GRIK1: variants seen among roughly 807,000 people sequenced by gnomAD.
The protein encoded by GRIK1 is glutamate receptor ionotropic, kainate 1.
In GRIK1, 69 loss-of-function variants were observed where a neutral mutation model predicts 105.7. That is an observed-to-expected ratio of 0.65 (90% CI 0.54 to 0.80). GRIK1 has a LOEUF of 0.80. GRIK1 is among the 30% of genes least tolerant of loss of function. The pLI is 0.00. For missense variants in GRIK1, 1,109 were observed against 1,167.3 expected (o/e 0.95, Z 0.73); for synonymous variants, 438 against 431.3 (o/e 1.02, Z -0.19).
intron 4 of GRIK1, among the ~76,000 whole-genome samples, chr21:29,669,942 A>G (rs1341385045): frequency 2.0e-5 from 3 of 152,150 alleles, no homozygotes; most frequent in Non-Finnish European, 4.4e-5. Flanking sequence ...TGGATCACAT[A>G]GAGTGCTTGG....
Position 29,651,170 on chromosome 21 carries a change from C to T in GRIK1, c.902G>A (p.Arg301Lys). The T allele has an allele frequency of 6.2e-7, 1 of 1,613,928 alleles. No individual in the cohort carries two copies. The highest frequency in any genetic ancestry group is 8.5e-7 in the Non-Finnish European group (1 of 1,179,846). ...SSIIEKWSME[R>K]LQAPPRPETG... Reference sequence around the variant, plus strand: ...CTCGGGCCTGGGTGGGGCCTGCAGTCTCTCCATGGACCACTTCTCAATGAT... The same window carrying T: ...CTCGGGCCTGGGTGGGGCCTGCAGTTTCTCCATGGACCACTTCTCAATGAT... Residue 301 changes from arginine (R) to lysine (K), a missense_variant, in exon 6 of 18, where the codon AGA becomes AAA. By Grantham distance (26) the Arg-to-Lys change is conservative. This residue lies in a region of GRIK1 where 612 missense variants were observed against 586.0 expected (regional missense o/e 1.04). Coordinates refer to ENST00000327783, the MANE Select transcript of GRIK1 (RefSeq NM_001330994.2).
chr21:29,570,526 A>C (rs904204705), intron 14 of GRIK1, among the ~76,000 whole-genome samples: 1 of 152,138 alleles, frequency 6.6e-6, no homozygotes, highest in Non-Finnish European at 1.5e-5. Context: ...ATTCTCTTAA[A>C]TAGAGTCTGT....
At chr21:29,931,912 T>G (rs1232342297) in intron 1 of GRIK1, among the ~76,000 whole-genome samples, 1 of 152,170 alleles carries the variant, frequency 6.6e-6, no homozygotes, top group Non-Finnish European at 1.5e-5. Flanking sequence ...TTTGAATTTT[T>G]AAAGGGAAAT....
intron 7 of GRIK1, among the ~76,000 whole-genome samples, chr21:29,636,159 C>T (rs1392586653): frequency 6.6e-6 from 1 of 152,198 alleles, no homozygotes; most frequent in Non-Finnish European, 1.5e-5. Context: ...GGCATTCATC[C>T]CCCCTCCGTC....
rs151091850 is a variant in GRIK1 at position 29,852,034 on chromosome 21, G to A, written c.118+87349C>T. Among the ~76,000 whole-genome samples the A allele has an allele frequency of 1.4e-3, 218 of 152,182 alleles. 1 individual carries two copies. Among genetic ancestry groups the A allele is most frequent in the African/African-American group, 5.2e-3 (216 of 41,538 alleles). ...CCTCTATGGAAAAATTTTCAAGTCT[G>A]ACTATTTCTCCTTCCACAGTTTCTC... On this transcript the variant is annotated intron_variant, in intron 1 of 17. Transcript: ENST00000327783.
intron 1 of GRIK1, among the ~76,000 whole-genome samples, chr21:29,768,014 T>TTTTTAA (rs1180520174): frequency 6.6e-6 from 1 of 152,120 alleles, no homozygotes; most frequent in African/African-American, 2.4e-5. Context: ...GCGCTGGCAA[T>TTTTTAA]GGGGTCCCAG....
chr21:29,665,580 C>T lies in GRIK1; in HGVS notation c.726+7403G>A, dbSNP rs1479993942. 2.0e-5 allele frequency among the ~76,000 whole-genome samples: 3 copies of T among 152,196 alleles called. No individual in the cohort carries two copies. In the East Asian group the frequency reaches 5.8e-4, roughly 29 times the overall value. On this transcript the variant is annotated intron_variant, in intron 4 of 17. Coordinates refer to ENST00000327783, the MANE Select transcript of GRIK1 (RefSeq NM_001330994.2). ...AGAATGAACTGCTTAATTAATTTCC[C>T]ATTTCTTTGAAAGCCTACTAAGTAC...
At chr21:29,876,155 G>A (rs2069185326) in intron 1 of GRIK1, among the ~76,000 whole-genome samples, 1 of 146,932 alleles carries the variant, frequency 6.8e-6, no homozygotes, top group South Asian at 2.1e-4. Context: ...TTTCCTGGCT[G>A]TTGTTAACTA....
chr21:29,732,859 A>T (rs1286184774), intron 1 of GRIK1, among the ~76,000 whole-genome samples: 1 of 152,160 alleles, frequency 6.6e-6, no homozygotes, highest in Non-Finnish European at 1.5e-5. Context: ...GCCTCAGAAG[A>T]TCAAAATGGC....
chr21:29,892,617 T>C (rs1456905842), intron 1 of GRIK1, among the ~76,000 whole-genome samples: 1 of 152,190 alleles, frequency 6.6e-6, no homozygotes, highest in African/African-American at 2.4e-5. Flanking sequence ...CTGATGTCAG[T>C]GGACCGACCC....
At chr21:29,568,437 C>T (rs911723250) in intron 14 of GRIK1, among the ~76,000 whole-genome samples, 1 of 152,214 alleles carries the variant, frequency 6.6e-6, no homozygotes, top group Non-Finnish European at 1.5e-5. Context: ...GTGACAGCAC[C>T]TAACCACTCC....
At chr21:29,821,956 C>T (rs2067318532) in intron 1 of GRIK1, among the ~76,000 whole-genome samples, 1 of 151,918 alleles carries the variant, frequency 6.6e-6, no homozygotes, top group Non-Finnish European at 1.5e-5. Flanking sequence ...CAAAAATTTA[C>T]CAATATATTG....
Position 29,537,369 on chromosome 21 carries a change from G to T in GRIK1, c.2711C>A (p.Ala904Asp). Residue 904 changes from alanine to aspartate, a missense_variant, in exon 18 of 18, where the codon GCT becomes GAT. Physicochemically the swap from Ala to Asp is moderately radical, Grantham distance 126. Around this residue, in one of 5 missense-constraint regions of GRIK1, gnomAD observed 161 missense variants for 143.4 expected, o/e 1.12. Transcript: ENST00000327783. ...TGAGATTCCCAGTTCTTCCATGATA[G>T]CGTTGAAAGAGAGACACTAGGGAAC... ...LGVEKCLSFNAIMEELGISLK... is the reference protein window; with the variant it reads ...LGVEKCLSFNDIMEELGISLK... The T allele has an allele frequency of 1.2e-6, 2 of 1,610,220 alleles. No individual in the cohort carries two copies. Among genetic ancestry groups the T allele is most frequent in the South Asian group, 2.2e-5 (2 of 90,662 alleles).
chr21:29,724,394 A>C (rs1427056097), intron 1 of GRIK1, among the ~76,000 whole-genome samples: 1 of 152,132 alleles, frequency 6.6e-6, no homozygotes, highest in Non-Finnish European at 1.5e-5. Flanking sequence ...TCATTTCTTC[A>C]TCCACTGAGG....
At chr21:29,632,272 G>A (rs1222901341) in intron 7 of GRIK1, among the ~76,000 whole-genome samples, 1 of 152,040 alleles carries the variant, frequency 6.6e-6, no homozygotes, top group Non-Finnish European at 1.5e-5. Context: ...CCTGACTAGA[G>A]TATAAGTTTC....
At chr21:29,878,422 C>T (rs2069272290) in intron 1 of GRIK1, among the ~76,000 whole-genome samples, 1 of 151,936 alleles carries the variant, frequency 6.6e-6, no homozygotes, top group African/African-American at 2.4e-5. Flanking sequence ...CCTAGGGTAC[C>T]AAAGAAACCT....
intron 15 of GRIK1, among the ~76,000 whole-genome samples, chr21:29,560,496 TTTCC>T (rs772236978): frequency 0.024 from 730 of 30,216 alleles, 59 homozygotes; most frequent in Non-Finnish European, 0.028. Flanking sequence ...TCTTTCTTTC[TTTCC>T]TTCCTTCCTT....
rs1453189575 is a variant in GRIK1 at position 29,790,360 on chromosome 21, T to A, written c.119-96297A>T. Among the ~76,000 whole-genome samples the A allele has an allele frequency of 2.0e-5, 3 of 152,192 alleles. No homozygotes were observed. The East Asian group carries it at 5.8e-4, about 29-fold the overall frequency. ...CCTCGCCTGGCCAAGTCCCCTTTTATTATATTTGAGATACATATTACCAGT... is the reference window on the plus strand; with the variant it reads ...CCTCGCCTGGCCAAGTCCCCTTTTAATATATTTGAGATACATATTACCAGT... On this transcript the variant is annotated intron_variant, in intron 1 of 17. Coordinates refer to ENST00000327783, the MANE Select transcript of GRIK1 (RefSeq NM_001330994.2).
At chr21:29,587,235 C>T (rs2091148158) in intron 12 of GRIK1, 131 bp downstream of exon 12, 1 of 514,608 alleles carries the variant, frequency 1.9e-6, no homozygotes, top group Admixed American at 3.6e-5. Flanking sequence ...ATATGGAAAC[C>T]TTCCAAGAAT....
Sources: gnomAD v4.1 joint callset for allele counts (sites outside exome capture counted in the v4.1 genomes callset) on GRCh38, gnomAD v4.1.1 for gene constraint, gnomAD v4.1.1 regional missense constraint, MANE v1.5 for transcripts, NCBI Gene and HGNC (gene_info 2026-07-23, HGNC 2026-07-21) for gene names.